The following TBC1D32 variants were observed in gnomAD, a reference collection of about 807,000 sequenced individuals.
TBC1D32 encodes the protein TBC1 domain family member 32, also known as protein broad-minded.
TBC1D32 carries 151 observed loss-of-function variants against 170.3 expected under a neutral mutation model. The observed-to-expected ratio is 0.89, with a 90% CI of 0.78 to 1.01. The LOEUF is 1.01. TBC1D32 is among the 50% of genes least tolerant of loss of function. The probability of loss-of-function intolerance (pLI) is 0.00; values close to 1 mark genes in which losing one functional copy is unlikely to be tolerated. For missense variants in TBC1D32, 1,464 were observed against 1,457.1 expected, an observed-to-expected ratio of 1.00 and a Z score of -0.08; for synonymous variants, 498 against 488.0, an observed-to-expected ratio of 1.02 and a Z score of -0.27.
At chr6:121,114,683 G>A (rs185248812) in intron 27 of TBC1D32, among the ~76,000 whole-genome samples, 104 of 152,196 alleles carry the variant, frequency 6.8e-4, no homozygotes, top group South Asian at 4.1e-3. Flanking sequence ...AGCAAGAAAG[G>A]GAAGTTTCAA....
At chr6:121,084,463 A>G (rs944199253) in intron 31 of TBC1D32, among the ~76,000 whole-genome samples, 1 of 152,094 alleles carries the variant, frequency 6.6e-6, no homozygotes, top group Non-Finnish European at 1.5e-5. Flanking sequence ...ATCACACTAC[A>G]GACATATGAT....
chr6:121,310,530 T>C (rs915545860), intron 4 of TBC1D32, among the ~76,000 whole-genome samples: 1 of 152,192 alleles, frequency 6.6e-6, no homozygotes. Flanking sequence ...TATAACTTTA[T>C]CCCTTTGAAA....
At chr6:121,102,416 G>A (rs1254600622) in intron 30 of TBC1D32, among the ~76,000 whole-genome samples, 1 of 152,050 alleles carries the variant, frequency 6.6e-6, no homozygotes. Flanking sequence ...ACAGAACACA[G>A]CCCTCAGAAA....
chr6:121,264,950 C>T (rs1800266504), intron 15 of TBC1D32, among the ~76,000 whole-genome samples: 1 of 152,110 alleles, frequency 6.6e-6, no homozygotes, highest in Non-Finnish European at 1.5e-5. Context: ...AACTTACAGA[C>T]AATATTATAC....
chr6:121,216,527 C>T (rs1411587284), intron 21 of TBC1D32, among the ~76,000 whole-genome samples: 1 of 152,066 alleles, frequency 6.6e-6, no homozygotes, highest in East Asian at 1.9e-4. Context: ...CTGGAGGACT[C>T]TATTTCTAAA....
At chr6:121,293,983 G>T (rs1358034055) in intron 11 of TBC1D32, among the ~76,000 whole-genome samples, 1 of 152,048 alleles carries the variant, frequency 6.6e-6, no homozygotes, top group Non-Finnish European at 1.5e-5. Flanking sequence ...GGGAATTACA[G>T]ATGGGGCAGT....
intron 24 of TBC1D32, among the ~76,000 whole-genome samples, chr6:121,147,287 CA>C (rs1783584993): frequency 6.6e-6 from 1 of 152,096 alleles, no homozygotes; most frequent in African/African-American, 2.4e-5. Context: ...AACACGAGTG[CA>C]TGTGTGTTTT....
At chr6:121,246,219 C>T (rs1040663598) in intron 17 of TBC1D32, among the ~76,000 whole-genome samples, 2 of 152,130 alleles carry the variant, frequency 1.3e-5, no homozygotes, top group South Asian at 4.1e-4. Context: ...TGCCCACACA[C>T]CAAGTATATA....
intron 25 of TBC1D32, among the ~76,000 whole-genome samples, chr6:121,129,495 A>G (rs1279134388): frequency 6.6e-6 from 1 of 152,206 alleles, no homozygotes; most frequent in Non-Finnish European, 1.5e-5. Flanking sequence ...ATGTCCAATG[A>G]AATAGTATAG....
chr6:121,262,916 T>G (rs1301594767), intron 15 of TBC1D32, among the ~76,000 whole-genome samples: 1 of 152,022 alleles, frequency 6.6e-6, no homozygotes, highest in African/African-American at 2.4e-5. Context: ...TTGCAAGAGT[T>G]CCTGAAGCAA....
intron 31 of TBC1D32, among the ~76,000 whole-genome samples, chr6:121,081,553 A>G (rs1329029643): frequency 6.6e-6 from 1 of 152,130 alleles, no homozygotes; most frequent in African/African-American, 2.4e-5. Context: ...ATTAATATTT[A>G]TAATGTTAGG....
intron 14 of TBC1D32, 62 bp downstream of exon 14, chr6:121,281,482 C>T: frequency 7.6e-7 from 1 of 1,321,894 alleles, no homozygotes; most frequent in Non-Finnish European, 1.0e-6. Context: ...AATAAAGTCC[C>T]ACTGAGTATC....
At chr6:121,095,382 G>A (rs1777278453) in intron 30 of TBC1D32, among the ~76,000 whole-genome samples, 1 of 152,080 alleles carries the variant, frequency 6.6e-6, no homozygotes, top group Admixed American at 6.6e-5. Context: ...GTTCTCATAA[G>A]AACATTACAT....
At chr6:121,244,580 CTAT>C (rs992486134) in intron 17 of TBC1D32, among the ~76,000 whole-genome samples, 2 of 152,146 alleles carry the variant, frequency 1.3e-5, no homozygotes, top group Non-Finnish European at 2.9e-5. Flanking sequence ...AAATCCTCTA[CTAT>C]GATTTGTCAC....
chr6:121,222,339 T>C (rs1794618919), intron 21 of TBC1D32, among the ~76,000 whole-genome samples: 1 of 152,186 alleles, frequency 6.6e-6, no homozygotes, highest in Non-Finnish European at 1.5e-5. Flanking sequence ...GCAATAATTC[T>C]GAGGTATACC....
chr6:121,195,996 G>A (rs1273775), intron 22 of TBC1D32, among the ~76,000 whole-genome samples: 17,757 of 152,178 alleles, frequency 0.12, 1,500 homozygotes, highest in Admixed American at 0.23. Context: ...ACACATGATT[G>A]GAAAACTGGT....
chr6:121,172,459 T>A lies in TBC1D32; in HGVS notation c.2571-11403A>T, dbSNP rs114476249. ...TCCTGGTATTACCATGCCCTGTGATTAAGATCAATGGGAAAATACAACAGC... is the reference window on the plus strand; with the variant it reads ...TCCTGGTATTACCATGCCCTGTGATAAAGATCAATGGGAAAATACAACAGC... On this transcript the variant is annotated intron_variant, in intron 22 of 31. Transcript: ENST00000398212. 1.5e-3 allele frequency among the ~76,000 whole-genome samples: 230 copies of A among 152,172 alleles called. 1 individual carries two copies. Among genetic ancestry groups the A allele is most frequent in the African/African-American group, 5.4e-3 (223 of 41,518 alleles).
chr6:121,197,746 C>T (rs1264239291), intron 22 of TBC1D32, among the ~76,000 whole-genome samples: 1 of 152,082 alleles, frequency 6.6e-6, no homozygotes, highest in Non-Finnish European at 1.5e-5. Flanking sequence ...TGTATGGGTT[C>T]AAGCTGACAA....
chr6:121,269,002 C>T (rs560228281), intron 15 of TBC1D32, among the ~76,000 whole-genome samples: 77 of 152,138 alleles, frequency 5.1e-4, no homozygotes, highest in Non-Finnish European at 8.7e-4. Flanking sequence ...ATTTCATGTC[C>T]AGCCAAACTA....
Sources: gnomAD v4.1 joint callset for allele counts (sites outside exome capture counted in the v4.1 genomes callset) on GRCh38, gnomAD v4.1.1 for gene constraint, MANE v1.5 for transcripts, NCBI Gene and HGNC (gene_info 2026-07-23, HGNC 2026-07-21) for gene names.